Variants in NATD1 observed in about 807,000 individuals in gnomAD.
NATD1 encodes the protein protein NATD1.
NATD1 carries 9 observed loss-of-function variants against 12.0 expected under a neutral mutation model. The observed-to-expected ratio is 0.75, with a 90% CI of 0.45 to 1.30. The LOEUF is 1.30. NATD1 is among the 50% of genes most tolerant of loss of function. The pLI, the probability that NATD1 is intolerant of heterozygous loss-of-function variation, is 0.00. For missense variants in NATD1, 148 were observed against 148.5 expected, an observed-to-expected ratio of 1.00 and a Z score of 0.02; for synonymous variants, 71 against 65.9, an observed-to-expected ratio of 1.08 and a Z score of -0.37.
In NATD1 at chr17:21,243,167, A is replaced by G. The variant is rs1975292582; in HGVS notation, c.*146T>C. ...CATCATTGGTCAGCTGCCTCCAGGG[A>G]TCTGGACGTGGGGCACAGATGAGTG... is the stretch of plus-strand genomic sequence containing the variant. On this transcript the variant is annotated 3_prime_UTR_variant, in exon 3 of 3. Transcript: ENST00000611551. 2 of 631,266 alleles carry G rather than the reference A, an allele frequency of 3.2e-6. No individual in the cohort carries two copies. Among genetic ancestry groups the G allele is most frequent in the Admixed American group, 2.9e-5 (1 of 34,066 alleles). The allele number at this position is 631,266 out of a possible 1,614,324, so 39.1% of individuals were successfully genotyped here.
rs1597784162 is a variant in NATD1, at chr17:21,244,712, G to A, written c.107-488C>T. ...CCACCTGCTGGACCCTGAGAGAGAC[G>A]CAGCAGGAAAGATCAGAGGCCTGTG... is the stretch of plus-strand genomic sequence containing the variant. On this transcript the variant is annotated intron_variant, in intron 1 of 2. Coordinates refer to ENST00000611551, the MANE Select transcript of NATD1 (RefSeq NM_152914.3). The surrounding 1 kb of genome is among the most constrained non-coding windows in gnomAD (Gnocchi z 5.2). 6.6e-6 allele frequency among the ~76,000 whole-genome samples: 1 copy of A among 152,336 alleles called. No individual in the cohort carries two copies. Among genetic ancestry groups the A allele is most frequent in the Middle Eastern group, 3.4e-3 (1 of 294 alleles).
rs2364092 is a variant in NATD1, at chr17:21,240,999, G to C, written c.*2314C>G. 123,415 of 152,728 alleles carry C rather than the reference G, an allele frequency of 0.81. 50,074 individuals are homozygous for C. Among genetic ancestry groups the C allele is most frequent in the African/African-American group, 0.87 (36,077 of 41,572 alleles). The allele number at this position is 152,728 out of a possible 1,614,324, so 9.5% of individuals were successfully genotyped here. On this transcript the variant is annotated 3_prime_UTR_variant, in exon 3 of 3. Transcript: ENST00000611551. ...CAGGTCATACCTGCGGGAGCTTGAT[G>C]AGGCCTCATGAGAAAGCCCTAGTCT...
In NATD1 at chr17:21,240,298, G is replaced by A. The variant is rs1273105996; in HGVS notation, c.*3015C>T. On this transcript the variant is annotated 3_prime_UTR_variant, in exon 3 of 3. Transcript: ENST00000611551. Reference sequence around the variant, plus strand: ...CAGCCAAGCCCCAGTGACACGCAGGGTCTCGCTCTCCACGCTGAAGGCTGT... The same window carrying A: ...CAGCCAAGCCCCAGTGACACGCAGGATCTCGCTCTCCACGCTGAAGGCTGT... 6.6e-6 allele frequency: 1 copy of A among 152,236 alleles called. No homozygotes were observed. Among genetic ancestry groups the A allele is most frequent in the Admixed American group, 6.5e-5 (1 of 15,288 alleles). The allele number at this position is 152,236 out of a possible 1,614,324, so 9.4% of individuals were successfully genotyped here. A position where few individuals can be genotyped will look rare whatever the true frequency, so the allele number is the denominator to read the frequency against.
intron 1 of NATD1, among the ~76,000 whole-genome samples, chr17:21,247,705 C>A (rs1597784944): frequency 6.6e-6 from 1 of 152,208 alleles, no homozygotes; most frequent in South Asian, 2.1e-4. Context: ...TCCTGCCCCC[C>A]TGTGCTAGTC....
At position 21,241,675 on chromosome 17, in the gene NATD1, A is replaced by G. The variant is rs1975274845; in HGVS notation, c.*1638T>C. The G allele has an allele frequency of 6.6e-6, 1 of 152,258 alleles. No homozygotes were observed. The highest frequency in any genetic ancestry group is 2.1e-4 in the South Asian group (1 of 4,828). The allele number at this position is 152,258 out of a possible 1,614,324, so 9.4% of individuals were successfully genotyped here. A position where few individuals can be genotyped will look rare whatever the true frequency, so the allele number is the denominator to read the frequency against. ...GGCAGGGATGTCGGGGGTACTCAGG[A>G]TGGTGACCCCTCCTGGTCCATGCTG... On this transcript the variant is annotated 3_prime_UTR_variant, in exon 3 of 3. Coordinates refer to ENST00000611551, the MANE Select transcript of NATD1 (RefSeq NM_152914.3).
intron 2 of NATD1, 131 bp from the exon 3 acceptor site, chr17:21,243,560 G>A (rs1471682495): frequency 3.1e-6 from 2 of 652,506 alleles, no homozygotes; most frequent in Non-Finnish European, 5.3e-6. Flanking sequence ...ACTCCCTTGA[G>A]TTTCAGTGTC....
At chr17:21,247,699 G>GC (rs1975338183) in intron 1 of NATD1, among the ~76,000 whole-genome samples, 1 of 152,196 alleles carries the variant, frequency 6.6e-6, no homozygotes, top group African/African-American at 2.4e-5. Flanking sequence ...GACAAGTCCT[G>GC]CCCCCCTGTG....
At position 21,240,902 on chromosome 17, in the gene NATD1, G is replaced by A. The variant is rs146267880; in HGVS notation, c.*2411C>T. 2,191 of 152,932 alleles carry A rather than the reference G, an allele frequency of 0.014. 17 individuals carry two copies. Among genetic ancestry groups the A allele is most frequent in the South Asian group, 0.029 (138 of 4,828 alleles). The allele number at this position is 152,932 out of a possible 1,614,324, so 9.5% of individuals were successfully genotyped here. A position where few individuals can be genotyped will look rare whatever the true frequency, so the allele number is the denominator to read the frequency against. On this transcript the variant is annotated 3_prime_UTR_variant, in exon 3 of 3. Coordinates refer to ENST00000611551, the MANE Select transcript of NATD1 (RefSeq NM_152914.3). ...TTGCTCTGCTGGAGACCTTGGGCCA[G>A]GCCCCGCGAAGCCCTGCCTAGCCCC... is the stretch of plus-strand genomic sequence containing the variant.
rs1288567481 is a variant in NATD1, at chr17:21,253,379, C to T, written c.-115G>A. The T allele has an allele frequency of 2.2e-5, 5 of 222,790 alleles. No homozygotes were observed. The Admixed American group carries it at 3.1e-4, about 14-fold the overall frequency. 13.8% of individuals were successfully genotyped at this position (222,790 alleles called of 1,614,324 possible). A position where few individuals can be genotyped will look rare whatever the true frequency, so the allele number is the denominator to read the frequency against. The stretch of plus-strand genomic sequence containing the variant: ...GCGGCAGGCGGTGGGGTAGTTACGG[C>T]CTGGGAGACCGCAGGCGGCGGCGCT... On this transcript the variant is annotated 5_prime_UTR_variant, in exon 1 of 3. Coordinates refer to ENST00000611551, the MANE Select transcript of NATD1 (RefSeq NM_152914.3).
Position 21,244,656 on chromosome 17 carries a change from TAG to T in NATD1, c.107-434_107-433del, listed in dbSNP as rs1406780024. On this transcript the variant is annotated intron_variant, in intron 1 of 2. Coordinates refer to ENST00000611551, the MANE Select transcript of NATD1 (RefSeq NM_152914.3). The surrounding 1 kb of genome is among the most constrained non-coding windows in gnomAD (Gnocchi z 5.2). ...CAACTAAGGCAGAGCATGAAGAGATTAGAGAGGCAGCGCTGCGCCACGCATCA... is the reference window on the plus strand; with the variant it reads ...CAACTAAGGCAGAGCATGAAGAGATTAGAGGCAGCGCTGCGCCACGCATCA... 1.3e-5 allele frequency among the ~76,000 whole-genome samples: 2 copies of T among 152,120 alleles called. No individual in the cohort carries two copies. The highest frequency in any genetic ancestry group is 2.9e-5 in the Non-Finnish European group (2 of 68,022).
chr17:21,245,084 T>C (rs1975313906), intron 1 of NATD1, among the ~76,000 whole-genome samples: 1 of 151,994 alleles, frequency 6.6e-6, no homozygotes, highest in South Asian at 2.1e-4. Flanking sequence ...AAGCAAGTGA[T>C]GTGTAGGATG....
chr17:21,241,925 T>A lies in NATD1; in HGVS notation c.*1388A>T, dbSNP rs1975277767. Reference sequence around the variant, plus strand: ...CCACAGGCCAGCCAGCGCCCGTGCATGGAGTCAAAGGGAGGAGTCAGCATG... The same window carrying A: ...CCACAGGCCAGCCAGCGCCCGTGCAAGGAGTCAAAGGGAGGAGTCAGCATG... On this transcript the variant is annotated 3_prime_UTR_variant, in exon 3 of 3. Coordinates refer to ENST00000611551, the MANE Select transcript of NATD1 (RefSeq NM_152914.3). The A allele has an allele frequency of 6.5e-6, 1 of 152,708 alleles. No homozygotes were observed. The highest frequency in any genetic ancestry group is 2.1e-4 in the South Asian group (1 of 4,844). The allele number at this position is 152,708 out of a possible 1,614,324, so 9.5% of individuals were successfully genotyped here.
chr17:21,248,956 T>A (rs1042278285), intron 1 of NATD1, among the ~76,000 whole-genome samples: 4 of 151,516 alleles, frequency 2.6e-5, no homozygotes, highest in African/African-American at 4.8e-5. Context: ...CGTGACTGGT[T>A]TGGGAAAAGT....
chr17:21,253,249 C>T lies in NATD1; in HGVS notation c.16G>A (p.Ala6Thr), dbSNP rs1975396739. Reference sequence around the variant, plus strand: ...TCCAGCGCGCCCAGCGGCACGGCGGCAGCCGAGTGCGCCATCTGCGCGCGG... The same window carrying T: ...TCCAGCGCGCCCAGCGGCACGGCGGTAGCCGAGTGCGCCATCTGCGCGCGG... MAHSAAAVPLGALEQG... is the reference protein window; with the variant it reads MAHSATAVPLGALEQG... Residue 6 changes from alanine (A) to threonine (T), a missense_variant, in exon 1 of 3, where the codon GCC (alanine) becomes ACC (threonine). Physicochemically the swap from Ala to Thr is moderately conservative, Grantham distance 58. Coordinates refer to ENST00000611551, the MANE Select transcript of NATD1 (RefSeq NM_152914.3). The T allele has an allele frequency of 1.0e-5, 10 of 996,816 alleles. No individual in the cohort carries two copies. Among genetic ancestry groups the T allele is most frequent in the Admixed American group, 1.2e-4 (2 of 16,340 alleles). 61.7% of individuals were successfully genotyped at this position (996,816 alleles called of 1,614,324 possible).
chr17:21,241,256 C>A lies in NATD1; in HGVS notation c.*2057G>T, dbSNP rs1975269279. ...CTCTTTGTGCTGTCACTGCAAGGGA[C>A]CCTCCTGCGGATGGGCTGGAGGCCA... On this transcript the variant is annotated 3_prime_UTR_variant, in exon 3 of 3. Transcript: ENST00000611551. 1 of 152,304 alleles carries A rather than the reference C, an allele frequency of 6.6e-6. No individual in the cohort carries two copies. The highest frequency in any genetic ancestry group is 1.5e-5 in the Non-Finnish European group (1 of 68,136). The allele number at this position is 152,304 out of a possible 1,614,324, so 9.4% of individuals were successfully genotyped here. A position where few individuals can be genotyped will look rare whatever the true frequency, so the allele number is the denominator to read the frequency against.
Position 21,244,324 on chromosome 17 carries a change from G to C in NATD1, c.107-100C>G. 5.2e-6 allele frequency: 5 copies of C among 954,624 alleles called. No individual in the cohort carries two copies. Among genetic ancestry groups the C allele is most frequent in the Middle Eastern group, 2.2e-4 (1 of 4,630 alleles). 59.1% of individuals were successfully genotyped at this position (954,624 alleles called of 1,614,324 possible). A position where few individuals can be genotyped will look rare whatever the true frequency, so the allele number is the denominator to read the frequency against. ...GACAGGCATTTGGAGTCATTCAGCT[G>C]CTACAGCTGAATCCTGAATAACCTC... On this transcript the variant is annotated intron_variant, in intron 1 of 2. Transcript: ENST00000611551. This position sits in a 1 kb window ranked among gnomAD's most constrained non-coding sequence, Gnocchi z 5.2.
At position 21,243,328 on chromosome 17, in the gene NATD1, C is replaced by T. The variant is rs558532646; in HGVS notation, c.327G>A (p.Glu109=). The T allele has an allele frequency of 7.6e-5, 123 of 1,612,610 alleles. No individual in the cohort carries two copies. Among genetic ancestry groups the T allele is most frequent in the Non-Finnish European group, 1.0e-4 (119 of 1,179,912 alleles). Residue 109 remains glutamate, a synonymous_variant, in exon 3 of 3, where the codon GAG becomes GAA. Transcript: ENST00000611551. ...CAGGCCAGGGTTACGGCTGCAGGCG[C>T]TCCAGGTACTGCGGCAGGGGGTTCT... ...VKENPLPQYL[E]RLQP
chr17:21,250,370 A>ATT (rs1975364031), intron 1 of NATD1, among the ~76,000 whole-genome samples: 1 of 152,066 alleles, frequency 6.6e-6, no homozygotes, highest in Admixed American at 6.5e-5. Flanking sequence ...TAGACACATG[A>ATT]TTGTAAATAG....
rs1975275534 is a variant in NATD1, at chr17:21,241,728, C to G, written c.*1585G>C. On this transcript the variant is annotated 3_prime_UTR_variant, in exon 3 of 3. Transcript: ENST00000611551. ...ACCCACAGCAGGGGTTTCGAGGAGA[C>G]TCCGGGGCTCGGGGACCCCCATCGG... 1 of 152,272 alleles carries G rather than the reference C, an allele frequency of 6.6e-6. No homozygotes were observed. Among genetic ancestry groups the G allele is most frequent in the Non-Finnish European group, 1.5e-5 (1 of 68,112 alleles). 9.4% of individuals were successfully genotyped at this position (152,272 alleles called of 1,614,324 possible).
Sources: allele counts gnomAD v4.1 joint callset (sites outside exome capture counted in the v4.1 genomes callset), GRCh38; gene constraint gnomAD v4.1.1; non-coding constraint Gnocchi (gnomAD v3.1); transcripts MANE v1.5; gene names NCBI Gene and HGNC (gene_info 2026-07-23, HGNC 2026-07-21).